EXOC6: variants seen among roughly 807,000 people sequenced by gnomAD.
EXOC6 encodes the protein SEC15-like 1.
Under a neutral mutation model 112.5 loss-of-function variants are expected in EXOC6, and 60 were observed. The observed-to-expected ratio is 0.53, with a 90% CI of 0.43 to 0.66. EXOC6 has a LOEUF of 0.66. EXOC6 is among the 30% of genes least tolerant of loss of function. The pLI, the probability that EXOC6 is intolerant of heterozygous loss-of-function variation, is 0.00. For synonymous variants in EXOC6, 295 were observed against 308.0 expected (o/e 0.96, Z 0.44); for missense variants, 855 against 957.1 (o/e 0.89, Z 1.41).
intron 20 of EXOC6, among the ~76,000 whole-genome samples, chr10:93,027,922 C>T (rs1423884050): frequency 6.6e-6 from 1 of 152,200 alleles, no homozygotes; most frequent in African/African-American, 2.4e-5. Context: ...AAGGCTACAG[C>T]TACCATAGAA....
chr10:92,918,111 A>G (rs1410032465), intron 7 of EXOC6, among the ~76,000 whole-genome samples: 1 of 152,210 alleles, frequency 6.6e-6, no homozygotes, highest in Non-Finnish European at 1.5e-5. Flanking sequence ...ATGTCACTAC[A>G]TACCAGCCTG....
Position 93,058,421 on chromosome 10 carries a change from G to A in EXOC6, c.*66G>A. ...TCAATGTTGATCTTGAGCAAGTATT[G>A]GTCATGATACAGTAATTTGTTTACA... On this transcript the variant is annotated 3_prime_UTR_variant, in exon 22 of 22. Coordinates refer to ENST00000260762, the MANE Select transcript of EXOC6 (RefSeq NM_019053.6). 2.9e-6 allele frequency: 4 copies of A among 1,398,492 alleles called. No individual in the cohort carries two copies. The highest frequency in any genetic ancestry group is 3.2e-5 in the South Asian group (2 of 62,968). The allele number at this position is 1,398,492 out of a possible 1,614,324, so 86.6% of individuals were successfully genotyped here.
At chr10:93,022,990 C>CTT (rs768020281) in intron 20 of EXOC6, among the ~76,000 whole-genome samples, 7 of 123,928 alleles carry the variant, frequency 5.6e-5, no homozygotes, top group Non-Finnish European at 1.2e-4. Context: ...ACTTTTCCTT[C>CTT]TTTTTTTTTT....
intron 18 of EXOC6, among the ~76,000 whole-genome samples, chr10:92,978,846 C>T (rs1842727273): frequency 6.6e-6 from 1 of 152,166 alleles, no homozygotes; most frequent in Non-Finnish European, 1.5e-5. Context: ...GCAGAACAAG[C>T]CATCCTACTT....
intron 6 of EXOC6, among the ~76,000 whole-genome samples, chr10:92,914,338 C>G (rs1564825708): frequency 6.6e-6 from 1 of 152,120 alleles, no homozygotes; most frequent in Non-Finnish European, 1.5e-5. Flanking sequence ...AACAAAAGGA[C>G]TAAATAGTCA....
Position 92,969,925 on chromosome 10 carries a change from G to A in EXOC6, c.1774-4128G>A, listed in dbSNP as rs145367868. Among the ~76,000 whole-genome samples, 990 of 152,078 alleles carry A rather than the reference G, an allele frequency of 6.5e-3. 18 individuals are homozygous for A. The highest frequency in any genetic ancestry group is 0.023 in the African/African-American group (936 of 41,500). On this transcript the variant is annotated intron_variant, in intron 17 of 21. Transcript: ENST00000260762. Reference sequence around the variant, plus strand: ...GCCAGGCTGGTCTCGAACTTCTGACGTCAGGTGATCCACCCACCTTGGCCT... The same window carrying A: ...GCCAGGCTGGTCTCGAACTTCTGACATCAGGTGATCCACCCACCTTGGCCT...
At chr10:92,962,399 T>G (rs75494090) in intron 17 of EXOC6, among the ~76,000 whole-genome samples, 1 of 150,516 alleles carries the variant, frequency 6.6e-6, no homozygotes, top group Non-Finnish European at 1.5e-5. Flanking sequence ...ATATATATGG[T>G]TTTTTTTTGA....
At chr10:93,024,605 A>G (rs835261) in intron 20 of EXOC6, among the ~76,000 whole-genome samples, 6,409 of 152,028 alleles carry the variant, frequency 0.042, 309 homozygotes, top group African/African-American at 0.12. Flanking sequence ...CCTGGCTAAG[A>G]CAGTGTTCCA....
chr10:92,845,454 G>A (rs1233798774), upstream of EXOC6, among the ~76,000 whole-genome samples: 1 of 151,140 alleles, frequency 6.6e-6, no homozygotes, highest in Non-Finnish European at 1.5e-5. Flanking sequence ...TCAGGAGACT[G>A]AGGCAGGAGA....
intron 19 of EXOC6, among the ~76,000 whole-genome samples, chr10:93,001,685 C>T (rs528242840): frequency 6.6e-6 from 1 of 152,270 alleles, no homozygotes; most frequent in African/African-American, 2.4e-5. Flanking sequence ...TAGCTCTCTC[C>T]TTCCCATTTT....
chr10:92,910,560 T>G (rs1850687549), intron 6 of EXOC6, among the ~76,000 whole-genome samples: 1 of 152,100 alleles, frequency 6.6e-6, no homozygotes, highest in Non-Finnish European at 1.5e-5. Context: ...GTACAGATCT[T>G]AGCTATACAT....
chr10:92,901,836 GAA>G (rs112360123), intron 5 of EXOC6: 3 of 115,342 alleles, frequency 2.6e-5, no homozygotes, highest in Non-Finnish European at 3.5e-5. Flanking sequence ...CATCTCTACT[GAA>G]AAAAAAAAAA....
At chr10:92,851,008 T>C (rs1361958838) in intron 1 of EXOC6, among the ~76,000 whole-genome samples, 1 of 152,162 alleles carries the variant, frequency 6.6e-6, no homozygotes, top group Non-Finnish European at 1.5e-5. Context: ...TATTTGGTCA[T>C]TGACTAACAC....
intron 20 of EXOC6, among the ~76,000 whole-genome samples, chr10:93,021,389 C>T (rs1445757880): frequency 1.3e-5 from 2 of 152,138 alleles, no homozygotes; most frequent in Non-Finnish European, 2.9e-5. Context: ...AATCACTCTG[C>T]GATTCTCTCT....
chr10:92,866,681 G>A (rs554582287), intron 1 of EXOC6, among the ~76,000 whole-genome samples: 2 of 152,160 alleles, frequency 1.3e-5, no homozygotes, highest in South Asian at 4.2e-4. Context: ...CAGTAAACCT[G>A]TATGTGTTTA....
At chr10:92,987,721 G>T (rs1843066821) in intron 18 of EXOC6, 3 of 708,532 alleles carry the variant, frequency 4.2e-6, no homozygotes, top group Non-Finnish European at 5.2e-6. Flanking sequence ...CTCTGCTTAG[G>T]TATTTAAATT....
intron 20 of EXOC6, among the ~76,000 whole-genome samples, chr10:93,031,243 T>A (rs1372234135): frequency 6.7e-6 from 1 of 149,948 alleles, no homozygotes; most frequent in Admixed American, 6.7e-5. Flanking sequence ...CATCATTTTT[T>A]AAAGAATACT....
chr10:92,957,904 G>A (rs180757071), intron 17 of EXOC6, among the ~76,000 whole-genome samples: 43 of 152,246 alleles, frequency 2.8e-4, no homozygotes, highest in African/African-American at 1.0e-3. Context: ...CATTTGATTG[G>A]ATTATATAGC....
chr10:92,876,437 G>A (rs1408701220), intron 1 of EXOC6, among the ~76,000 whole-genome samples: 1 of 152,204 alleles, frequency 6.6e-6, no homozygotes, highest in Non-Finnish European at 1.5e-5. Flanking sequence ...TTTGCCCCCT[G>A]CACTCAGTAA....
Sources: allele counts gnomAD v4.1 joint callset (sites outside exome capture counted in the v4.1 genomes callset), GRCh38; gene constraint gnomAD v4.1.1; transcripts MANE v1.5; gene names NCBI Gene and HGNC (gene_info 2026-07-23, HGNC 2026-07-21).